The following SYT7 variants were observed in gnomAD, a reference collection of about 807,000 sequenced individuals.
SYT7 encodes synaptotagmin 7.
A neutral mutation model predicts 75.1 loss-of-function variants in SYT7; 29 were observed. The ratio of observed to expected loss-of-function variants is 0.39; its 90% confidence interval spans 0.29 to 0.53. The LOEUF (loss-of-function observed/expected upper bound fraction) is 0.53, where lower values mean the gene tolerates loss of function less well. SYT7 is among the 20% of genes least tolerant of loss of function. The probability of loss-of-function intolerance (pLI) is 0.77; values close to 1 mark genes in which losing one functional copy is unlikely to be tolerated. For missense variants in SYT7, 693 were observed against 953.2 expected (o/e 0.73, Z 3.59); for synonymous variants, 376 against 401.7 (o/e 0.94, Z 0.76).
rs1283847330 is a variant in SYT7, at chr11:61,538,169, T to C, written c.1039A>G (p.Asn347Asp). 2 of 1,536,054 alleles carry C rather than the reference T, an allele frequency of 1.3e-6. No homozygotes were observed. The highest frequency in any genetic ancestry group is 1.4e-5 in the African/African-American group (1 of 73,154). The change falls in exon 7 of 13, where the codon AAC (asparagine) becomes GAC (aspartate). Residue 347 changes from asparagine (N) to aspartate (D), a missense_variant. Around this residue, in one of 2 missense-constraint regions of SYT7, gnomAD observed 487 missense variants for 593.2 expected, o/e 0.82. Coordinates refer to ENST00000539008, the MANE Select transcript of SYT7 (RefSeq NM_001365809.2). The part of the protein sequence containing the change: ...PDLQNPGTQQ[N>D]QNAQGDKRLP... The stretch of plus-strand genomic sequence containing the variant: ...CTCTTGTCCCCCTGAGCGTTCTGGT[T>C]CTGCTGGGTTCCTGGGTTTTGCAGG...
At position 61,514,567 on chromosome 11, in the gene SYT7, A is replaced by AG. The variant is rs544040251; in HGVS notation, c.*4059dup. ...AGCACCTTCCTTCTGAAGTACCCTG[A>AG]GAGCTGCGGGGGCTCAGCTTCCCCT... On this transcript the variant is annotated 3_prime_UTR_variant, in exon 13 of 13. Coordinates refer to ENST00000539008, the MANE Select transcript of SYT7 (RefSeq NM_001365809.2). Among the ~76,000 whole-genome samples the AG allele has an allele frequency of 1.2e-3, 182 of 152,236 alleles. No homozygotes were observed. Among genetic ancestry groups the AG allele is most frequent in the African/African-American group, 3.9e-3 (162 of 41,556 alleles).
intron 1 of SYT7, among the ~76,000 whole-genome samples, chr11:61,562,917 T>G (rs1374910602): frequency 6.6e-6 from 1 of 152,136 alleles, no homozygotes; most frequent in Non-Finnish European, 1.5e-5. Context: ...GCTGCTGGGA[T>G]GCCCTGGGGA....
At chr11:61,540,250 G>A (rs1050834799) in intron 6 of SYT7, 1 of 152,742 alleles carries the variant, frequency 6.5e-6, no homozygotes, top group Admixed American at 6.5e-5. Flanking sequence ...TCCCTGCAAG[G>A]GGTGGGTGGG....
chr11:61,570,659 G>A (rs531577845), intron 1 of SYT7, among the ~76,000 whole-genome samples: 33 of 152,294 alleles, frequency 2.2e-4, no homozygotes, highest in African/African-American at 7.9e-4. Context: ...CTGAAGATGT[G>A]CAGGTCCCTG....
intron 8 of SYT7, among the ~76,000 whole-genome samples, chr11:61,531,407 G>C (rs1240690844): frequency 6.6e-6 from 1 of 152,162 alleles, no homozygotes; most frequent in African/African-American, 2.4e-5. Flanking sequence ...GGCAGGGTGG[G>C]CTGTGGCAAT....
At chr11:61,528,272 A>G in intron 8 of SYT7, 87 bp from the exon 9 acceptor site, 1 of 1,510,906 alleles carries the variant, frequency 6.6e-7, no homozygotes, top group Non-Finnish European at 8.9e-7. Flanking sequence ...GTGAGAGGCC[A>G]GAGGCGGTGG....
intron 7 of SYT7, among the ~76,000 whole-genome samples, chr11:61,534,782 C>T (rs776572923): frequency 3.9e-5 from 6 of 151,996 alleles, no homozygotes; most frequent in East Asian, 1.9e-4. Context: ...CCCAGCGACA[C>T]GCGGGCGCCC....
At chr11:61,545,903 G>A in intron 5 of SYT7, 128 bp downstream of exon 5, 1 of 781,506 alleles carries the variant, frequency 1.3e-6, no homozygotes. Flanking sequence ...ATGAAGGGAT[G>A]GAATGAGCCA....
intron 1 of SYT7, among the ~76,000 whole-genome samples, chr11:61,579,843 T>C (rs1030799180): frequency 7.2e-5 from 11 of 152,188 alleles, no homozygotes; most frequent in Non-Finnish European, 1.5e-4. Flanking sequence ...ATGCCAGAAC[T>C]GGCAGACTGG....
At chr11:61,554,784 G>T (rs575209823) in intron 2 of SYT7, among the ~76,000 whole-genome samples, 1 of 152,270 alleles carries the variant, frequency 6.6e-6, no homozygotes, top group East Asian at 1.9e-4. Flanking sequence ...CAGCCAGCCC[G>T]GTTCCACACA....
upstream of SYT7, among the ~76,000 whole-genome samples, chr11:61,585,240 A>G (rs1487939055): frequency 1.3e-5 from 2 of 151,920 alleles, no homozygotes; most frequent in African/African-American, 4.8e-5. Flanking sequence ...GTCTCCCCAC[A>G]GTCCTTTCCC....
In SYT7 at chr11:61,546,108, G is replaced by C; in HGVS notation, c.495C>G (p.Gly165=). 2.0e-6 allele frequency: 3 copies of C among 1,530,764 alleles called. No homozygotes were observed. Among genetic ancestry groups the C allele is most frequent in the Non-Finnish European group, 2.6e-6 (3 of 1,144,650 alleles). 94.8% of individuals were successfully genotyped at this position (1,530,764 alleles called of 1,614,324 possible). Residue 165 remains glycine, a synonymous_variant, in exon 5 of 13, where the codon GGC becomes GGG. Transcript: ENST00000539008. The surrounding 1 kb of genome is among the most constrained non-coding windows in gnomAD (Gnocchi z 7.6). ...RSGGAAPSEP[G]SGGKAGRGRW... is the part of the protein sequence containing the mutation. ...GGCCTCTCCCCGCCTTGCCACCGCT[G>C]CCCGGCTCGCTGGGGGCAGCCCCGC...
At chr11:61,533,787 G>A in intron 7 of SYT7, 2 of 515,252 alleles carry the variant, frequency 3.9e-6, no homozygotes, top group Non-Finnish European at 5.0e-6. Context: ...GCTGAGAGCT[G>A]AAATTTTAAT....
rs758432211 is a variant in SYT7, at chr11:61,542,503, G to A, written c.649C>T (p.Arg217Ter). ...PSSTGEPKCQ[R>*]PRTLMRQQSL... ...TGCTGCCGCATCAGGGTGCGGGGTC[G>A]CTGGCATTTCGGCTCTCCCGTGGAG... The change falls in exon 6 of 13, where the codon CGA becomes TGA. Residue 217 changes from arginine to a stop codon, truncating the protein, a stop_gained. Coordinates refer to ENST00000539008, the MANE Select transcript of SYT7 (RefSeq NM_001365809.2). LOFTEE classifies it high-confidence loss of function. The surrounding 1 kb of genome is among the most constrained non-coding windows in gnomAD (Gnocchi z 7.8). The A allele has an allele frequency of 2.6e-6, 4 of 1,532,270 alleles. No homozygotes were observed. Among genetic ancestry groups the A allele is most frequent in the East Asian group, 2.5e-5 (1 of 40,786 alleles). The allele number at this position is 1,532,270 out of a possible 1,614,324, so 94.9% of individuals were successfully genotyped here.
In SYT7 at chr11:61,581,041, C is replaced by T. The variant is rs1318730512; in HGVS notation, c.-221G>A. On this transcript the variant is annotated 5_prime_UTR_variant, in exon 1 of 13. Transcript: ENST00000539008. ...CGCTGCCGCCGCCGCCGAACAGCGC[C>T]GAGCCGCCTCCCTCCGGCCTGCGCG... 4.2e-6 allele frequency: 3 copies of T among 720,528 alleles called. No homozygotes were observed. Among genetic ancestry groups the T allele is most frequent in the Non-Finnish European group, 3.4e-6 (2 of 589,904 alleles). 44.6% of individuals were successfully genotyped at this position (720,528 alleles called of 1,614,324 possible). A position where few individuals can be genotyped will look rare whatever the true frequency, so the allele number is the denominator to read the frequency against.
At chr11:61,541,690 G>C (rs2135235347) in intron 6 of SYT7, among the ~76,000 whole-genome samples, 1 of 151,628 alleles carries the variant, frequency 6.6e-6, no homozygotes, top group South Asian at 2.1e-4. Flanking sequence ...GGGAGGGCTG[G>C]TGGCAGGGAC....
At chr11:61,528,233 C>G in intron 8 of SYT7, 48 bp from the exon 9 acceptor site, 1 of 1,589,168 alleles carries the variant, frequency 6.3e-7, no homozygotes, top group South Asian at 1.1e-5. Flanking sequence ...ATTCTGCTTC[C>G]CCCATGTCCC....
At position 61,549,985 on chromosome 11, in the gene SYT7, C is replaced by T. The variant is rs868139898; in HGVS notation, c.215+1399G>A. Among the ~76,000 whole-genome samples the T allele has an allele frequency of 1.6e-4, 25 of 152,302 alleles. No individual in the cohort carries two copies. In the South Asian group the frequency reaches 2.9e-3, roughly 18 times the overall value. On this transcript the variant is annotated intron_variant, in intron 3 of 12. Transcript: ENST00000539008. ...CCCAGCCCTGGCCCGCGGCTGTAAACGGCCTGTCCTGGAGGAGGCACAGGT... is the reference window on the plus strand; with the variant it reads ...CCCAGCCCTGGCCCGCGGCTGTAAATGGCCTGTCCTGGAGGAGGCACAGGT...
chr11:61,557,232 T>G (rs770834578), intron 1 of SYT7, among the ~76,000 whole-genome samples: 1 of 152,204 alleles, frequency 6.6e-6, no homozygotes, highest in African/African-American at 2.4e-5. Flanking sequence ...AGATCACACA[T>G]GCGCTATCAA....
Sources: allele counts gnomAD v4.1 joint callset (sites outside exome capture counted in the v4.1 genomes callset), GRCh38; gene constraint gnomAD v4.1.1; regional missense constraint gnomAD v4.1.1; non-coding constraint Gnocchi (gnomAD v3.1); transcripts MANE v1.5; gene names NCBI Gene and HGNC (gene_info 2026-07-23, HGNC 2026-07-21).